Variants in AATF observed in about 807,000 individuals in gnomAD.
AATF encodes the protein protein AATF.
Under a neutral mutation model 63.7 loss-of-function variants are expected in AATF, and 48 were observed. The ratio of observed to expected loss-of-function variants is 0.75; its 90% CI spans 0.60 to 0.96. AATF has a LOEUF of 0.96. Among genes scored for constraint, AATF ranks in the 40% least tolerant of loss-of-function variants. The pLI, the probability that AATF is intolerant of heterozygous loss-of-function variation, is 0.00. For synonymous variants in AATF, 258 were observed against 247.7 expected (o/e 1.04, Z -0.39); for missense variants, 639 against 685.7 (o/e 0.93, Z 0.76).
intron 8 of AATF, among the ~76,000 whole-genome samples, chr17:37,003,964 G>A (rs1454878389): frequency 1.3e-5 from 2 of 152,072 alleles, no homozygotes; most frequent in Admixed American, 1.3e-4. Context: ...AATTAGCAGG[G>A]CATGGTGGCA....
At chr17:37,051,693 GACAGAC>G (rs1319356359) in intron 11 of AATF, among the ~76,000 whole-genome samples, 40 of 141,028 alleles carry the variant, frequency 2.8e-4, no homozygotes, top group African/African-American at 5.2e-4. Context: ...CAGACAGACA[GACAGAC>G]ACACACACAC....
intron 8 of AATF, among the ~76,000 whole-genome samples, chr17:37,010,463 A>AATTATT (rs143188434): frequency 6.6e-6 from 1 of 151,898 alleles, no homozygotes; most frequent in African/African-American, 2.4e-5. Flanking sequence ...ATCTCAAAAA[A>AATTATT]ATTATTATTA....
intron 11 of AATF, among the ~76,000 whole-genome samples, chr17:37,032,805 A>G (rs942202506): frequency 2.0e-5 from 3 of 152,172 alleles, no homozygotes; most frequent in Non-Finnish European, 4.4e-5. Flanking sequence ...AAATTTTTCA[A>G]TGACGAAATA....
intron 4 of AATF, among the ~76,000 whole-genome samples, chr17:36,977,402 A>C (rs372594892): frequency 1.3e-5 from 2 of 152,004 alleles, no homozygotes; most frequent in East Asian, 1.9e-4. Context: ...CATTTTCATC[A>C]GTTTTTTCCA....
chr17:37,049,373 C>CG (rs2071725794), intron 11 of AATF, among the ~76,000 whole-genome samples: 1 of 152,048 alleles, frequency 6.6e-6, no homozygotes, highest in Admixed American at 6.6e-5. Context: ...GAGGCCGAGG[C>CG]GGGCAGATCA....
intron 8 of AATF, among the ~76,000 whole-genome samples, chr17:37,004,053 T>C (rs1232853872): frequency 6.6e-6 from 1 of 151,774 alleles, no homozygotes; most frequent in East Asian, 1.9e-4. Context: ...TGCAGACTTT[T>C]TTTTGGTGGC....
At chr17:36,969,990 C>G (rs1424560845) in intron 4 of AATF, among the ~76,000 whole-genome samples, 2 of 152,124 alleles carry the variant, frequency 1.3e-5, no homozygotes, top group African/African-American at 4.8e-5. Flanking sequence ...TAGTTCATTG[C>G]CTTTTGTTGC....
chr17:37,021,109 T>C, intron 10 of AATF, 95 bp downstream of exon 10: 2 of 898,564 alleles, frequency 2.2e-6, no homozygotes, highest in Non-Finnish European at 3.3e-6. Context: ...TTTCTTCTGA[T>C]GATTCTGTTT....
chr17:37,037,477 G>A (rs2071603008), intron 11 of AATF, among the ~76,000 whole-genome samples: 1 of 152,164 alleles, frequency 6.6e-6, no homozygotes, highest in African/African-American at 2.4e-5. Flanking sequence ...ATGATTTGCA[G>A]GGCTGTTGTT....
At chr17:36,985,583 G>A (rs960516932) in intron 4 of AATF, among the ~76,000 whole-genome samples, 5 of 151,092 alleles carry the variant, frequency 3.3e-5, no homozygotes, top group South Asian at 2.1e-4. Flanking sequence ...TTGCTCTGTC[G>A]TCCAGGCCAG....
chr17:37,034,250 A>G (rs2071573064), intron 11 of AATF, among the ~76,000 whole-genome samples: 1 of 152,216 alleles, frequency 6.6e-6, no homozygotes, highest in African/African-American at 2.4e-5. Context: ...CAGATTAACT[A>G]TGGGTACAGT....
intron 8 of AATF, among the ~76,000 whole-genome samples, chr17:36,991,428 A>T (rs1040490171): frequency 3.3e-5 from 5 of 152,112 alleles, no homozygotes; most frequent in African/African-American, 1.2e-4. Flanking sequence ...AGTTCTCAAT[A>T]TGTTTTCAGA....
chr17:36,950,125 C>A, intron 1 of AATF, 89 bp from the exon 2 acceptor site: 1 of 1,423,206 alleles, frequency 7.0e-7, no homozygotes, highest in Non-Finnish European at 9.6e-7. Flanking sequence ...AAAGGACGTT[C>A]AACTATGAGA....
rs747441687 is a variant in AATF at position 36,953,811 on chromosome 17, A to G, written c.736A>G (p.Lys246Glu). 6.2e-7 allele frequency: 1 copy of G among 1,614,090 alleles called. No individual in the cohort carries two copies. The highest frequency in any genetic ancestry group is 1.1e-5 in the South Asian group (1 of 91,082). ...QLLEGRIKLQ[K>E]ALLTTNQLPQ... ...CTTGGAAGGAAGGATCAAACTACAA[A>G]AAGCTCTGTTGACCACCAACCAGCT... The change falls in exon 4 of 12, where the codon AAA (lysine) becomes GAA (glutamate). Residue 246 changes from lysine to glutamate, a missense_variant. Coordinates refer to ENST00000619387, the MANE Select transcript of AATF (RefSeq NM_012138.4).
rs966537101 is a variant in AATF, at chr17:37,031,758, G to A, written c.1619+73G>A. ...GATATTGACCTGCTCTACAGCCTTC[G>A]CCCTCTCCATTTCTTCTTATCAGTT... is the stretch of plus-strand genomic sequence containing the variant. On this transcript the variant is annotated intron_variant, in intron 11 of 11. Coordinates refer to ENST00000619387, the MANE Select transcript of AATF (RefSeq NM_012138.4). The A allele has an allele frequency of 1.2e-5, 14 of 1,193,718 alleles. No individual in the cohort carries two copies. In the East Asian group the frequency reaches 1.4e-4, roughly 12 times the overall value. 73.9% of individuals were successfully genotyped at this position (1,193,718 alleles called of 1,614,324 possible).
At chr17:37,017,974 T>C (rs1335989060) in intron 8 of AATF, among the ~76,000 whole-genome samples, 1 of 152,216 alleles carries the variant, frequency 6.6e-6, no homozygotes, top group Non-Finnish European at 1.5e-5. Context: ...ACAAAATCAT[T>C]GCTAATTTTT....
intron 4 of AATF, among the ~76,000 whole-genome samples, chr17:36,967,887 A>C (rs1164298374): frequency 7.0e-6 from 1 of 143,336 alleles, no homozygotes; most frequent in Non-Finnish European, 1.5e-5. Flanking sequence ...TTCTTTTTGG[A>C]AACTGCAGAC....
intron 4 of AATF, among the ~76,000 whole-genome samples, chr17:36,975,972 G>A (rs2071077103): frequency 6.6e-6 from 1 of 152,176 alleles, no homozygotes; most frequent in Admixed American, 6.6e-5. Context: ...AATTCAGCAA[G>A]TATTGCTTTA....
At chr17:37,019,615 A>G (rs1424763630) in intron 9 of AATF, among the ~76,000 whole-genome samples, 1 of 152,206 alleles carries the variant, frequency 6.6e-6, no homozygotes, top group Non-Finnish European at 1.5e-5. Flanking sequence ...CTGTGGTTGG[A>G]AAATAAAAAG....
Sources: allele counts gnomAD v4.1 joint callset (sites outside exome capture counted in the v4.1 genomes callset), GRCh38; gene constraint gnomAD v4.1.1; transcripts MANE v1.5; gene names NCBI Gene and HGNC (gene_info 2026-07-23, HGNC 2026-07-21).